CDH18: variants seen among roughly 807,000 people sequenced by gnomAD.
CDH18 encodes cadherin 18.
In CDH18, 31 loss-of-function variants were observed where a neutral mutation model predicts 67.9. That is an observed-to-expected ratio of 0.46 (90% CI 0.34 to 0.62). The LOEUF is 0.62. CDH18 is among the 20% of genes least tolerant of loss of function. The probability of loss-of-function intolerance (pLI) is 0.01; values close to 1 mark genes in which losing one functional copy is unlikely to be tolerated. For missense variants in CDH18, 890 were observed against 975.5 expected, an observed-to-expected ratio of 0.91 and a Z score of 1.17; for synonymous variants, 362 against 347.2, an observed-to-expected ratio of 1.04 and a Z score of -0.48.
intron 6 of CDH18, among the ~76,000 whole-genome samples, chr5:19,598,053 T>C (rs1746450923): frequency 1.3e-5 from 2 of 152,156 alleles, no homozygotes; most frequent in South Asian, 4.1e-4. Flanking sequence ...ACTTTACATA[T>C]CTCCTTATTC....
chr5:19,498,588 T>C (rs1742726415), intron 11 of CDH18, among the ~76,000 whole-genome samples: 1 of 152,218 alleles, frequency 6.6e-6, no homozygotes, highest in African/African-American at 2.4e-5. Context: ...AGTTTCGCTA[T>C]CTTCCATTGA....
At chr5:19,844,131 T>C (rs941642733) in intron 2 of CDH18, among the ~76,000 whole-genome samples, 2 of 152,178 alleles carry the variant, frequency 1.3e-5, no homozygotes, top group African/African-American at 4.8e-5. Context: ...TTAAGATTTT[T>C]CAGGGACTGT....
intron 1 of CDH18, among the ~76,000 whole-genome samples, chr5:20,571,457 C>T (rs558815987): frequency 2.0e-5 from 3 of 151,958 alleles, no homozygotes; most frequent in Non-Finnish European, 4.4e-5. Flanking sequence ...AGTCACATTG[C>T]TTAATAATTT....
chr5:20,521,804 CACAT>C (rs974200907), intron 1 of CDH18, among the ~76,000 whole-genome samples: 3 of 148,204 alleles, frequency 2.0e-5, no homozygotes, highest in East Asian at 1.9e-4. Context: ...TACACACACA[CACAT>C]ACACACACAC....
At position 20,200,082 on chromosome 5, in the gene CDH18, G is replaced by A. The variant is rs140404883; in HGVS notation, c.-518+55362C>T. 2.6e-5 allele frequency among the ~76,000 whole-genome samples: 4 copies of A among 152,252 alleles called. No homozygotes were observed. In the East Asian group the frequency reaches 5.8e-4, roughly 22 times the overall value. ...TACAAGATCTAAGGGAACAAACACTGTGTTCTAACAAAAATGATGTCAAAT... is the reference window on the plus strand; with the variant it reads ...TACAAGATCTAAGGGAACAAACACTATGTTCTAACAAAAATGATGTCAAAT... On this transcript the variant is annotated intron_variant, in intron 2 of 14. Transcript: ENST00000507958.
At chr5:20,281,012 G>A (rs1225540892) in intron 1 of CDH18, among the ~76,000 whole-genome samples, 1 of 152,186 alleles carries the variant, frequency 6.6e-6, no homozygotes, top group Non-Finnish European at 1.5e-5. Context: ...CTTCTTTTGA[G>A]AAGTGTCTGT....
At position 20,250,589 on chromosome 5, in the gene CDH18, C is replaced by CTTTTT. The variant is rs70954644; in HGVS notation, c.-518+4850_-518+4854dup. Among the ~76,000 whole-genome samples the CTTTTT allele has an allele frequency of 1.3e-3, 45 of 33,568 alleles. 5 individuals are homozygous for CTTTTT. Among genetic ancestry groups the CTTTTT allele is most frequent in the Non-Finnish European group, 1.6e-3 (34 of 21,048 alleles). 22.0% of individuals were successfully genotyped at this position (33,568 alleles called of 152,430 possible). On this transcript the variant is annotated intron_variant, in intron 2 of 14. Coordinates refer to the CDH18 transcript ENST00000507958. ...TACAGGCGTGAGCCACGGCCCATGG[C>CTTTTT]TTTTTTTTTTTTTTTTTTTTTTTTT...
At chr5:20,471,338 G>A (rs1752055045) in intron 1 of CDH18, among the ~76,000 whole-genome samples, 2 of 152,072 alleles carry the variant, frequency 1.3e-5, no homozygotes, top group African/African-American at 2.4e-5. Context: ...AGTTATTGCA[G>A]TAGCTTCTAA....
At chr5:20,129,419 AAT>A (rs1436743849) in intron 2 of CDH18, among the ~76,000 whole-genome samples, 2 of 152,064 alleles carry the variant, frequency 1.3e-5, no homozygotes, top group African/African-American at 4.8e-5. Flanking sequence ...AATTGACAAA[AAT>A]TTCCTATTAA....
At chr5:19,574,505 AG>A (rs749953500) in intron 7 of CDH18, among the ~76,000 whole-genome samples, 42 of 152,312 alleles carry the variant, frequency 2.8e-4, no homozygotes, top group Admixed American at 4.6e-4. Flanking sequence ...TTGCCGGTAC[AG>A]GGAAACTGTG....
intron 2 of CDH18, among the ~76,000 whole-genome samples, chr5:19,961,896 T>G (rs1796940219): frequency 6.6e-6 from 1 of 152,004 alleles, no homozygotes; most frequent in African/African-American, 2.4e-5. Context: ...TACCTTTTAT[T>G]TTTTTTACTT....
intron 5 of CDH18, among the ~76,000 whole-genome samples, chr5:19,657,835 C>A (rs1301972603): frequency 1.3e-5 from 2 of 152,144 alleles, no homozygotes; most frequent in African/African-American, 4.8e-5. Flanking sequence ...ATTTCCCCTG[C>A]AGGACTTTGG....
At chr5:20,078,186 G>T (rs1040174706) in intron 2 of CDH18, among the ~76,000 whole-genome samples, 2 of 152,220 alleles carry the variant, frequency 1.3e-5, no homozygotes, top group African/African-American at 2.4e-5. Context: ...TTATGGCCGG[G>T]TGTGGTGGCT....
chr5:20,028,424 G>A (rs1259779275), intron 2 of CDH18, among the ~76,000 whole-genome samples: 2 of 152,090 alleles, frequency 1.3e-5, no homozygotes, highest in African/African-American at 2.4e-5. Context: ...TTAGAAGGCA[G>A]TTTTACTATT....
intron 1 of CDH18, among the ~76,000 whole-genome samples, chr5:20,445,101 A>G (rs1400963940): frequency 6.6e-6 from 1 of 152,172 alleles, no homozygotes; most frequent in Non-Finnish European, 1.5e-5. Flanking sequence ...CATTTTCTTC[A>G]TTCACAGTTG....
Position 20,450,060 on chromosome 5 carries a change from G to A in CDH18, c.-580+125402C>T, listed in dbSNP as rs549128523. ...ATTTTTAAAGTATATTTTTCTGGCCGGGTGCAGTGGCTTACACATGTAATC... is the reference window on the plus strand; with the variant it reads ...ATTTTTAAAGTATATTTTTCTGGCCAGGTGCAGTGGCTTACACATGTAATC... On this transcript the variant is annotated intron_variant, in intron 1 of 14. Transcript: ENST00000507958. Among the ~76,000 whole-genome samples the A allele has an allele frequency of 4.3e-4, 66 of 151,834 alleles. No individual in the cohort carries two copies. In the South Asian group the frequency reaches 0.01, roughly 24 times the overall value.
At chr5:19,839,458 T>C (rs111574356) in intron 2 of CDH18, among the ~76,000 whole-genome samples, 240 of 152,304 alleles carry the variant, frequency 1.6e-3, no homozygotes, top group African/African-American at 5.5e-3. Flanking sequence ...GACAAATATA[T>C]GTATAATTCT....
At chr5:19,623,038 T>C (rs1425873768) in intron 5 of CDH18, among the ~76,000 whole-genome samples, 1 of 152,218 alleles carries the variant, frequency 6.6e-6, no homozygotes, top group Non-Finnish European at 1.5e-5. Flanking sequence ...ACCTACCATG[T>C]CCTCTTGCCT....
intron 2 of CDH18, among the ~76,000 whole-genome samples, chr5:19,869,072 A>G (rs1317102167): frequency 6.6e-6 from 1 of 152,200 alleles, no homozygotes; most frequent in Non-Finnish European, 1.5e-5. Flanking sequence ...TGGAGAAAAT[A>G]AAACAAAATA....
Sources: allele counts gnomAD v4.1 joint callset (sites outside exome capture counted in the v4.1 genomes callset), GRCh38; gene constraint gnomAD v4.1.1; transcripts MANE v1.5; gene names NCBI Gene and HGNC (gene_info 2026-07-23, HGNC 2026-07-21).